The following CFAP96 variants were observed in gnomAD, a reference collection of about 807,000 sequenced individuals.
CFAP96 encodes cilia and flagella associated protein 96.
the CFAP96 span, among the ~76,000 whole-genome samples, chr4:185,426,929 T>C: frequency 1.4e-5 from 2 of 139,090 alleles, no homozygotes; most frequent in African/African-American, 5.5e-5. Flanking sequence ...CCGGGCATGG[T>C]GGCGGGTGCT....
chr4:185,411,802 T>C, the CFAP96 span, among the ~76,000 whole-genome samples: 1 of 152,122 alleles, frequency 6.6e-6, no homozygotes, highest in Non-Finnish European at 1.5e-5. Flanking sequence ...TAATTAACTA[T>C]GGTTAGACAA....
chr4:185,416,988 A>T, the CFAP96 span, among the ~76,000 whole-genome samples: 1 of 152,216 alleles, frequency 6.6e-6, no homozygotes, highest in Non-Finnish European at 1.5e-5. Context: ...TCTGATGAGG[A>T]CTAAAGTAAG....
chr4:185,414,779 C>T, the CFAP96 span, among the ~76,000 whole-genome samples: 449 of 152,296 alleles, frequency 2.9e-3, 5 homozygotes, highest in African/African-American at 9.5e-3. Flanking sequence ...TTATCATTTT[C>T]CTTCCCTAAC....
chr4:185,413,656 G>T, the CFAP96 span: 1 of 1,426,606 alleles, frequency 7.0e-7, no homozygotes, highest in Non-Finnish European at 9.5e-7. Context: ...GTCTCCTACT[G>T]GGTACCAACA....
chr4:185,447,819 CTA>C, the CFAP96 span, among the ~76,000 whole-genome samples: 2 of 152,112 alleles, frequency 1.3e-5, no homozygotes, highest in Non-Finnish European at 2.9e-5. Context: ...CTCTAAATTG[CTA>C]TGATACCAAA....
At chr4:185,423,342 T>C in the CFAP96 span, among the ~76,000 whole-genome samples, 1 of 152,164 alleles carries the variant, frequency 6.6e-6, no homozygotes, top group Admixed American at 6.5e-5. Context: ...CCTAATATAA[T>C]ACCAGGGAGT....
the CFAP96 span, chr4:185,413,979 A>C: frequency 2.0e-6 from 2 of 1,003,234 alleles, no homozygotes. Context: ...ATAGGTTATA[A>C]AAGTTTCCAA....
At chr4:185,432,165 G>A in the CFAP96 span, 2 of 1,551,734 alleles carry the variant, frequency 1.3e-6, no homozygotes, top group Non-Finnish European at 8.7e-7. Context: ...AAAAATCTAG[G>A]CAAAGCATTC....
the CFAP96 span, among the ~76,000 whole-genome samples, chr4:185,412,938 T>C: frequency 6.6e-6 from 1 of 152,152 alleles, no homozygotes; most frequent in African/African-American, 2.4e-5. Flanking sequence ...TTATTTGAGC[T>C]ACCTTTAGGG....
chr4:185,418,695 A>C, the CFAP96 span: 1 of 1,614,028 alleles, frequency 6.2e-7, no homozygotes, highest in South Asian at 1.1e-5. Flanking sequence ...GCAAATTCTG[A>C]ACACAAGGGC....
chr4:185,420,655 C>T, the CFAP96 span, among the ~76,000 whole-genome samples: 26 of 152,248 alleles, frequency 1.7e-4, no homozygotes, highest in African/African-American at 6.0e-4. Context: ...CTACAAAAGA[C>T]AAACATAATT....
the CFAP96 span, chr4:185,429,484 G>A: frequency 6.5e-7 from 1 of 1,534,936 alleles, no homozygotes; most frequent in African/African-American, 1.4e-5. Flanking sequence ...TATTACTGTG[G>A]GTGATAAATA....
At chr4:185,410,170 G>C in the CFAP96 span, among the ~76,000 whole-genome samples, 8 of 151,830 alleles carry the variant, frequency 5.3e-5, no homozygotes, top group South Asian at 1.7e-3. Context: ...AAGCAAAAAA[G>C]AAAAATAAAT....
chr4:185,425,935 T>A, the CFAP96 span: 1 of 1,557,010 alleles, frequency 6.4e-7, no homozygotes, highest in Non-Finnish European at 8.7e-7. Flanking sequence ...GGCCCTGAAG[T>A]GGTGTCACCG....
chr4:185,413,624 G>A, the CFAP96 span: 2 of 1,109,412 alleles, frequency 1.8e-6, no homozygotes, highest in Non-Finnish European at 2.5e-6. Context: ...CATGTTTTAG[G>A]AATGAATACA....
At chr4:185,414,580 A>G in the CFAP96 span, among the ~76,000 whole-genome samples, 1 of 152,188 alleles carries the variant, frequency 6.6e-6, no homozygotes, top group Non-Finnish European at 1.5e-5. Context: ...AATTAGGAAG[A>G]TGCTCCACGG....
the CFAP96 span, chr4:185,425,826 G>C: frequency 1.1e-5 from 17 of 1,597,346 alleles, no homozygotes; most frequent in Non-Finnish European, 1.5e-5. Flanking sequence ...CCAAAGTCCG[G>C]GGAAAAACAC....
chr4:185,433,396 CAA>C, the CFAP96 span, among the ~76,000 whole-genome samples: 1 of 27,960 alleles, frequency 3.6e-5, no homozygotes, highest in Non-Finnish European at 7.7e-5. Flanking sequence ...GACTCCATCT[CAA>C]AAAAAAAAAA....
chr4:185,425,552 C>A, the CFAP96 span, among the ~76,000 whole-genome samples: 1 of 152,290 alleles, frequency 6.6e-6, no homozygotes, highest in Non-Finnish European at 1.5e-5. Context: ...AAGAAAGTTG[C>A]GCCTGTCCCA....
Sources: allele counts gnomAD v4.1 joint callset (sites outside exome capture counted in the v4.1 genomes callset), GRCh38; gene constraint gnomAD v4.1.1; transcripts MANE v1.5; gene names NCBI Gene and HGNC (gene_info 2026-07-23, HGNC 2026-07-21).